Variants in CTSD observed in about 807,000 individuals in gnomAD.
CTSD encodes the protein ceroid-lipofuscinosis, neuronal 10.
CTSD carries 28 observed loss-of-function variants against 43.6 expected under a neutral mutation model. The observed-to-expected ratio is 0.64, with a 90% CI of 0.48 to 0.88. The LOEUF (loss-of-function observed/expected upper bound fraction) is 0.88. Among genes scored for constraint, CTSD ranks in the 40% least tolerant of loss-of-function variants. The probability of loss-of-function intolerance (pLI) is 0.00; values close to 1 mark genes in which losing one functional copy is unlikely to be tolerated. For missense variants in CTSD, 485 were observed against 555.2 expected, an observed-to-expected ratio of 0.87 and a Z score of 1.27; for synonymous variants, 270 against 249.8, an observed-to-expected ratio of 1.08 and a Z score of -0.76.
Position 1,757,390 on chromosome 11 carries a change from G to T in CTSD, c.638C>A (p.Pro213His). The T allele has an allele frequency of 6.2e-7, 1 of 1,614,180 alleles. No homozygotes were observed. The highest frequency in any genetic ancestry group is 8.5e-7 in the Non-Finnish European group (1 of 1,180,040). The change falls in exon 5 of 9, where the codon CCC (proline) becomes CAC (histidine). Residue 213 changes from proline to histidine, a missense_variant. Coordinates refer to ENST00000236671, the MANE Select transcript of CTSD (RefSeq NM_001909.5). Reference sequence around the variant, plus strand: ...CTGCTGCATCAGGTTGTCGAAGACGGGCAGCACGTTGTTGACGGAGATGCG... The same window carrying T: ...CTGCTGCATCAGGTTGTCGAAGACGTGCAGCACGTTGTTGACGGAGATGCG... ...YPRISVNNVL[P>H]VFDNLMQQKL...
Position 1,759,506 on chromosome 11 carries a change from C to A in CTSD, c.352+10G>T. 1 of 1,613,110 alleles carries A rather than the reference C, an allele frequency of 6.2e-7. No homozygotes were observed. Among genetic ancestry groups the A allele is most frequent in the Non-Finnish European group, 8.5e-7 (1 of 1,179,952 alleles). On this transcript the variant is annotated intron_variant, in intron 3 of 8. Transcript: ENST00000236671. ...GGACCTGGGCGACGGGGCCAGGGTT[C>A]GTGACTCACAGCAAGCGATGTCCAG...
intron 1 of CTSD, 76 bp downstream of exon 1, chr11:1,763,716 G>T (rs1215937370): frequency 1.5e-6 from 2 of 1,366,766 alleles, no homozygotes; most frequent in African/African-American, 1.5e-5. Flanking sequence ...AGGGGAGCGC[G>T]AAAGTCACCA....
At position 1,761,290 on chromosome 11, in the gene CTSD, G is replaced by T. The variant is rs772099143; in HGVS notation, c.228+19C>A. 1 of 1,613,326 alleles carries T rather than the reference G, an allele frequency of 6.2e-7. No individual in the cohort carries two copies. The highest frequency in any genetic ancestry group is 1.7e-5 in the Admixed American group (1 of 60,028). On this transcript the variant is annotated intron_variant, in intron 2 of 8. Transcript: ENST00000236671. ...TGACAGTGGCTCCGCTTGCAGCAGG[G>T]CTAAGACCTCATACTCACGTCCATG...
At chr11:1,758,072 T>G in intron 4 of CTSD, 1 of 203,456 alleles carries the variant, frequency 4.9e-6, no homozygotes, top group East Asian at 1.3e-4. Flanking sequence ...GAACGACAGC[T>G]TGAGGCTGAC....
intron 6 of CTSD, among the ~76,000 whole-genome samples, chr11:1,754,475 GTC>G (rs1383894592): frequency 3.0e-5 from 3 of 101,236 alleles, no homozygotes; most frequent in African/African-American, 6.7e-5. Flanking sequence ...GGGATGGAGG[GTC>G]ATGGAGAGTC....
rs767817481 is a variant in CTSD at position 1,758,996 on chromosome 11, G to A, written c.444C>T (p.Ser148=). 2.0e-5 allele frequency: 32 copies of A among 1,613,226 alleles called. No individual in the cohort carries two copies. The highest frequency in any genetic ancestry group is 2.5e-5 in the Non-Finnish European group (30 of 1,179,276). ...ACACAGTGTCCTGGCTCAGGTACCC[G>A]GAGAGGCTGCCCGAGCCATAGTGGA... ...FDIHYGSGSL[S]GYLSQDTVSV... Residue 148 remains serine (S), a synonymous_variant, in exon 4 of 9, where the codon TCC becomes TCT. Transcript: ENST00000236671.
chr11:1,756,859 G>A (rs1280021967), intron 5 of CTSD, among the ~76,000 whole-genome samples: 1 of 152,172 alleles, frequency 6.6e-6, no homozygotes, highest in African/African-American at 2.4e-5. Flanking sequence ...GCAGCGTGGT[G>A]CCGGGGACCC....
chr11:1,756,729 G>A (rs991176605), intron 5 of CTSD, among the ~76,000 whole-genome samples: 1 of 152,068 alleles, frequency 6.6e-6, no homozygotes, highest in African/African-American at 2.4e-5. Context: ...GGTCACCCAA[G>A]CTGGAGCAGC....
Position 1,763,921 on chromosome 11 carries a change from C to A in CTSD, c.-62G>T. The A allele has an allele frequency of 1.4e-6, 2 of 1,428,112 alleles. No individual in the cohort carries two copies. The highest frequency in any genetic ancestry group is 1.5e-5 in the African/African-American group (1 of 67,338). 88.5% of individuals were successfully genotyped at this position (1,428,112 alleles called of 1,614,324 possible). A position where few individuals can be genotyped will look rare whatever the true frequency, so the allele number is the denominator to read the frequency against. On this transcript the variant is annotated 5_prime_UTR_variant, in exon 1 of 9. Transcript: ENST00000236671. ...CGTGCGCTTATAGCCGGGATGACGC[C>A]GCAGTTGGGCCGGATCAGCTGACCC...
At chr11:1,759,270 C>T (rs181023618) in intron 3 of CTSD, among the ~76,000 whole-genome samples, 183 bp from the exon 4 acceptor site, 4 of 152,310 alleles carry the variant, frequency 2.6e-5, no homozygotes, top group Admixed American at 2.6e-4. Flanking sequence ...GGCTGTGACC[C>T]CGGGCCTCCC....
intron 6 of CTSD, among the ~76,000 whole-genome samples, chr11:1,754,525 G>GGGATGGAGGGATGGA (rs1554962371): frequency 3.0e-5 from 1 of 33,618 alleles, no homozygotes. Context: ...GAGGGATGGA[G>GGGATGGAGGGATGGA]GGGATGGAGG....
chr11:1,759,133 G>A (rs777069375), intron 3 of CTSD, 46 bp from the exon 4 acceptor site: 23 of 1,400,282 alleles, frequency 1.6e-5, no homozygotes, highest in Middle Eastern at 1.8e-4. Context: ...CGCAGCCCAC[G>A]CCACGGCCTT....
chr11:1,754,306 GAC>G (rs905901195), intron 6 of CTSD, 168 bp from the exon 7 acceptor site: 114 of 716,586 alleles, frequency 1.6e-4, no homozygotes, highest in Non-Finnish European at 2.4e-4. Context: ...TGGGAGAGGA[GAC>G]ACAGAGTGGT....
In CTSD at chr11:1,755,016, C is replaced by G. The variant is rs368699900; in HGVS notation, c.717G>C (p.Ala239=). Residue 239 remains alanine (A), a synonymous_variant, in exon 6 of 9, where the codon GCG becomes GCC. Transcript: ENST00000236671. ...FSFYLSRDPD[A]QPGGELMLGG... ...CCAGCATCAGCTCACCCCCAGGCTG[C>G]GCATCTGGGTCCCTAGGAGGAAAAG... The G allele has an allele frequency of 1.2e-6, 2 of 1,613,844 alleles. No individual in the cohort carries two copies. The highest frequency in any genetic ancestry group is 2.2e-5 in the East Asian group (1 of 44,880).
chr11:1,761,248 C>T lies in CTSD; in HGVS notation c.228+61G>A, dbSNP rs568292017. 80 of 1,589,870 alleles carry T rather than the reference C, an allele frequency of 5.0e-5. No homozygotes were observed. In the African/African-American group the frequency reaches 7.0e-4, roughly 14 times the overall value. ...ACAGGAGGTGGGAATGTTCCCCATA[C>T]TGCCACGGAGCTCTCCTGACAGTGG... On this transcript the variant is annotated intron_variant, in intron 2 of 8. Coordinates refer to ENST00000236671, the MANE Select transcript of CTSD (RefSeq NM_001909.5).
chr11:1,757,249 G>C, intron 5 of CTSD, 75 bp downstream of exon 5: 1 of 1,210,134 alleles, frequency 8.3e-7, no homozygotes, highest in South Asian at 1.3e-5. Flanking sequence ...CTGAGAGGGG[G>C]TGCCTAGAAG....
intron 5 of CTSD, 176 bp from the exon 6 acceptor site, chr11:1,755,204 C>T (rs1363265470): frequency 2.6e-6 from 2 of 760,154 alleles, no homozygotes; most frequent in Non-Finnish European, 4.5e-6. Context: ...CTCCCTTCTT[C>T]CCGGGGTAGG....
rs753164840 is a variant in CTSD, at chr11:1,763,806, G to A, written c.54C>T (p.Ala18=). Reference sequence around the variant, plus strand: ...TGAGGCTTCACCTGACGAGCGCGGAGGCGGGTGCAGCCAGCAGGCAGAGGG... The same window carrying A: ...TGAGGCTTCACCTGACGAGCGCGGAAGCGGGTGCAGCCAGCAGGCAGAGGG... ...PLALCLLAAP[A]SALVRIPLHK... is the part of the protein sequence containing the mutation. The change falls in exon 1 of 9, where the codon GCC becomes GCT. Residue 18 remains alanine (A), a synonymous_variant. Coordinates refer to ENST00000236671, the MANE Select transcript of CTSD (RefSeq NM_001909.5). 6.6e-6 allele frequency: 10 copies of A among 1,526,436 alleles called. No homozygotes were observed. Among genetic ancestry groups the A allele is most frequent in the African/African-American group, 2.8e-5 (2 of 70,962 alleles). The allele number at this position is 1,526,436 out of a possible 1,614,324, so 94.6% of individuals were successfully genotyped here.
intron 3 of CTSD, 66 bp from the exon 4 acceptor site, chr11:1,759,153 A>C: frequency 8.1e-7 from 1 of 1,229,286 alleles, no homozygotes; most frequent in Non-Finnish European, 1.2e-6. Flanking sequence ...TAGCCCTCCC[A>C]TCCCCCTACA....
Sources: allele counts gnomAD v4.1 joint callset (sites outside exome capture counted in the v4.1 genomes callset), GRCh38; gene constraint gnomAD v4.1.1; transcripts MANE v1.5; gene names NCBI Gene and HGNC (gene_info 2026-07-23, HGNC 2026-07-21).